The following ROBO1 variants were observed in gnomAD, a reference collection of about 807,000 sequenced individuals.
ROBO1 encodes the protein roundabout homolog 1.
ROBO1 carries 149 observed loss-of-function variants against 195.9 expected under a neutral mutation model. That is an observed-to-expected ratio of 0.76 (90% confidence interval 0.67 to 0.87). The LOEUF is 0.87. Ranked by LOEUF, ROBO1 falls within the 40% of genes least tolerant of loss-of-function variation. ROBO1 has a pLI of 0.00. For synonymous variants in ROBO1, 816 were observed against 733.2 expected, an observed-to-expected ratio of 1.11 and a Z score of -1.82; for missense variants, 1,933 against 2,068.3, an observed-to-expected ratio of 0.93 and a Z score of 1.27.
At chr3:79,568,357 C>T (rs941957326) in intron 2 of ROBO1, among the ~76,000 whole-genome samples, 15 of 151,868 alleles carry the variant, frequency 9.9e-5, no homozygotes, top group Admixed American at 7.9e-4. Flanking sequence ...TATTGTCTGT[C>T]TCTCCATATT....
At chr3:79,066,030 A>G (rs1235821475) in intron 3 of ROBO1, among the ~76,000 whole-genome samples, 4 of 151,942 alleles carry the variant, frequency 2.6e-5, no homozygotes. Context: ...GACTTGCCAA[A>G]TGAGTAGAAA....
chr3:79,002,530 AG>A (rs2077529935), intron 3 of ROBO1, among the ~76,000 whole-genome samples: 2 of 152,146 alleles, frequency 1.3e-5, no homozygotes, highest in South Asian at 4.1e-4. Context: ...ACAGTTCACC[AG>A]TGATAGTGTC....
chr3:79,530,130 A>G (rs1488774614), intron 2 of ROBO1, among the ~76,000 whole-genome samples: 1 of 152,174 alleles, frequency 6.6e-6, no homozygotes, highest in East Asian at 1.9e-4. Context: ...ACATAATAAA[A>G]CATTTAACAA....
At chr3:78,673,905 T>C (rs1008622069) in intron 10 of ROBO1, among the ~76,000 whole-genome samples, 9 of 151,872 alleles carry the variant, frequency 5.9e-5, no homozygotes, top group African/African-American at 2.2e-4. Context: ...ACTGCAAATA[T>C]TGTATCTTGG....
chr3:79,628,644 T>C (rs550607582), intron 1 of ROBO1, among the ~76,000 whole-genome samples: 66 of 152,102 alleles, frequency 4.3e-4, no homozygotes, highest in African/African-American at 1.6e-3. Flanking sequence ...ACCTTACATA[T>C]CAACACTAAC....
chr3:79,398,982 A>G (rs1330960816), intron 2 of ROBO1, among the ~76,000 whole-genome samples: 2 of 152,036 alleles, frequency 1.3e-5, no homozygotes, highest in Non-Finnish European at 2.9e-5. Flanking sequence ...AAGAGAGTGA[A>G]TGCCTGTCTT....
chr3:79,058,931 A>C (rs2078863116), intron 3 of ROBO1, among the ~76,000 whole-genome samples: 1 of 152,122 alleles, frequency 6.6e-6, no homozygotes, highest in South Asian at 2.1e-4. Context: ...CCCGAATGGC[A>C]TTACATCAAT....
intron 2 of ROBO1, among the ~76,000 whole-genome samples, chr3:79,369,764 A>G (rs2036121459): frequency 6.6e-6 from 1 of 152,136 alleles, no homozygotes; most frequent in African/African-American, 2.4e-5. Flanking sequence ...GCAGAGAGGA[A>G]AGATTATTGC....
At chr3:78,747,688 A>T (rs928501846) in intron 4 of ROBO1, among the ~76,000 whole-genome samples, 1 of 152,180 alleles carries the variant, frequency 6.6e-6, no homozygotes. Context: ...GTGGAGGAAG[A>T]AACAATTCAC....
chr3:79,559,962 A>G (rs1474551581), intron 2 of ROBO1, among the ~76,000 whole-genome samples: 1 of 152,130 alleles, frequency 6.6e-6, no homozygotes, highest in East Asian at 1.9e-4. Flanking sequence ...TTCATGGGGC[A>G]AAATGTACCC....
chr3:79,631,856 C>A (rs1945352637), intron 1 of ROBO1, among the ~76,000 whole-genome samples: 1 of 151,772 alleles, frequency 6.6e-6, no homozygotes, highest in East Asian at 1.9e-4. Flanking sequence ...ATAGAAGTGG[C>A]CAAAATACAT....
At chr3:79,294,463 G>T (rs144540512) in intron 2 of ROBO1, among the ~76,000 whole-genome samples, 1 of 152,250 alleles carries the variant, frequency 6.6e-6, no homozygotes, top group East Asian at 1.9e-4. Context: ...ATGGATTAAA[G>T]ACTTAAACGT....
chr3:78,643,671 C>G (rs907681050), intron 21 of ROBO1, among the ~76,000 whole-genome samples: 1 of 152,044 alleles, frequency 6.6e-6, no homozygotes, highest in African/African-American at 2.4e-5. Flanking sequence ...ATCTGATATT[C>G]TAAACATGAT....
At chr3:78,611,544 A>G (rs1575771995) in intron 28 of ROBO1, among the ~76,000 whole-genome samples, 1 of 152,320 alleles carries the variant, frequency 6.6e-6, no homozygotes, top group South Asian at 2.1e-4. Context: ...GTGTGACTGT[A>G]GCATGCAGCA....
intron 3 of ROBO1, among the ~76,000 whole-genome samples, chr3:79,120,653 G>GTT (rs2080099778): frequency 6.6e-6 from 1 of 151,940 alleles, no homozygotes; most frequent in African/African-American, 2.4e-5. Flanking sequence ...AATATGAAGG[G>GTT]TTTAATGAGG....
intron 2 of ROBO1, among the ~76,000 whole-genome samples, chr3:79,230,235 G>T (rs932434690): frequency 6.6e-6 from 1 of 152,074 alleles, no homozygotes; most frequent in African/African-American, 2.4e-5. Flanking sequence ...GCTTTTAAAG[G>T]ATTGCAGACT....
At chr3:79,168,391 T>C (rs1246385130) in intron 2 of ROBO1, among the ~76,000 whole-genome samples, 2 of 151,996 alleles carry the variant, frequency 1.3e-5, no homozygotes, top group Admixed American at 6.6e-5. Context: ...GTGATGAAAA[T>C]ATCATAATTC....
chr3:78,960,585 C>A (rs915099199), intron 3 of ROBO1, among the ~76,000 whole-genome samples: 1 of 151,858 alleles, frequency 6.6e-6, no homozygotes, highest in Non-Finnish European at 1.5e-5. Flanking sequence ...TCGAGACCAT[C>A]CTGGCTAACA....
At chr3:79,598,382 T>C (rs1944243317) in intron 1 of ROBO1, among the ~76,000 whole-genome samples, 1 of 152,026 alleles carries the variant, frequency 6.6e-6, no homozygotes, top group African/African-American at 2.4e-5. Context: ...CAAATAGAGC[T>C]AACGTTCTGC....
Sources: allele counts gnomAD v4.1 joint callset (sites outside exome capture counted in the v4.1 genomes callset), GRCh38; gene constraint gnomAD v4.1.1; transcripts MANE v1.5; gene names NCBI Gene and HGNC (gene_info 2026-07-23, HGNC 2026-07-21).